Variants in RSU1 observed in about 807,000 individuals in gnomAD.
The protein encoded by RSU1 is Ras suppressor protein 1.
Under a neutral mutation model 31.1 loss-of-function variants are expected in RSU1, and 26 were observed. That is an observed-to-expected ratio of 0.84 (90% CI 0.61 to 1.16). RSU1 has a LOEUF of 1.16. Among genes scored for constraint, RSU1 ranks in the 50% most tolerant of loss-of-function variants. The probability of loss-of-function intolerance (pLI) is 0.00; values close to 1 mark genes in which losing one functional copy is unlikely to be tolerated. For synonymous variants in RSU1, 164 were observed against 136.3 expected (o/e 1.20, Z -1.41); for missense variants, 320 against 339.1 (o/e 0.94, Z 0.44).
chr10:16,810,136 C>T (rs1838378361), intron 2 of RSU1, among the ~76,000 whole-genome samples: 1 of 152,090 alleles, frequency 6.6e-6, no homozygotes, highest in Non-Finnish European at 1.5e-5. Flanking sequence ...GAGGCCAAGG[C>T]AGGAGAATTG....
In RSU1 at chr10:16,654,594, C is replaced by T. The variant is rs371102960; in HGVS notation, c.731+40429G>A. Among the ~76,000 whole-genome samples the T allele has an allele frequency of 2.3e-4, 35 of 150,634 alleles. 1 individual carries two copies. Among genetic ancestry groups the T allele is most frequent in the East Asian group, 1.4e-3 (7 of 4,958 alleles). ...CTGAGGCACAAGAATCGCTTGAACC[C>T]GGGAGGTGGAGGTTGCAGTGAGGCA... On this transcript the variant is annotated intron_variant, in intron 8 of 8. Transcript: ENST00000345264.
intron 8 of RSU1, among the ~76,000 whole-genome samples, chr10:16,645,079 C>T (rs1834511278): frequency 6.6e-6 from 1 of 152,174 alleles, no homozygotes; most frequent in African/African-American, 2.4e-5. Context: ...TTTCAAGATA[C>T]AAATATATTT....
intron 7 of RSU1, among the ~76,000 whole-genome samples, chr10:16,751,265 C>A (rs1488526990): frequency 6.6e-6 from 1 of 152,186 alleles, no homozygotes; most frequent in Admixed American, 6.5e-5. Flanking sequence ...CACGTGACTA[C>A]TTGCAACTCA....
intron 7 of RSU1, among the ~76,000 whole-genome samples, chr10:16,749,188 T>C (rs1588510583): frequency 6.6e-6 from 1 of 152,240 alleles, no homozygotes; most frequent in Non-Finnish European, 1.5e-5. Context: ...AGTGCTTTAC[T>C]ACTTAAGAAC....
chr10:16,738,224 A>C (rs757128926), intron 7 of RSU1, among the ~76,000 whole-genome samples: 4 of 152,216 alleles, frequency 2.6e-5, no homozygotes, highest in Admixed American at 1.3e-4. Flanking sequence ...AAACAGGCGG[A>C]TCATGATGTC....
chr10:16,703,792 C>A (rs1408648334), intron 7 of RSU1, among the ~76,000 whole-genome samples: 1 of 152,050 alleles, frequency 6.6e-6, no homozygotes, highest in African/African-American at 2.4e-5. Context: ...AGTGTATATG[C>A]ATATGAACAG....
At chr10:16,809,866 AAT>A (rs1304057562) in intron 2 of RSU1, among the ~76,000 whole-genome samples, 3 of 152,220 alleles carry the variant, frequency 2.0e-5, no homozygotes, top group Non-Finnish European at 4.4e-5. Context: ...CTTCACATGT[AAT>A]AGACACCTTA....
chr10:16,747,907 G>A (rs1341380945), intron 7 of RSU1, among the ~76,000 whole-genome samples: 5 of 152,312 alleles, frequency 3.3e-5, no homozygotes, highest in Admixed American at 6.5e-5. Flanking sequence ...AGTGGTGCAC[G>A]CCTGTAGTCC....
chr10:16,801,102 AAAAAAACAG>A (rs1304126127), intron 2 of RSU1, among the ~76,000 whole-genome samples: 66 of 151,646 alleles, frequency 4.4e-4, no homozygotes, highest in African/African-American at 1.5e-3. Flanking sequence ...TTTTTTAAAA[AAAAAAACAG>A]GATCTAACTA....
chr10:16,802,915 T>C (rs1316327604), intron 2 of RSU1, among the ~76,000 whole-genome samples: 1 of 152,150 alleles, frequency 6.6e-6, no homozygotes, highest in Non-Finnish European at 1.5e-5. Context: ...AACCTGCAAT[T>C]AACAAGATAC....
intron 7 of RSU1, among the ~76,000 whole-genome samples, chr10:16,701,476 T>C (rs780851598): frequency 6.6e-6 from 1 of 152,230 alleles, no homozygotes; most frequent in Admixed American, 6.5e-5. Flanking sequence ...TTCCGGCAAC[T>C]GTCTGCTTGG....
intron 8 of RSU1, among the ~76,000 whole-genome samples, chr10:16,612,500 G>C (rs1833909837): frequency 6.6e-6 from 1 of 152,188 alleles, no homozygotes; most frequent in African/African-American, 2.4e-5. Flanking sequence ...TGAATAAGGG[G>C]ACTGAGTATA....
chr10:16,594,519 C>A (rs1833572965), intron 8 of RSU1, among the ~76,000 whole-genome samples: 1 of 150,326 alleles, frequency 6.7e-6, no homozygotes, highest in Admixed American at 6.7e-5. Context: ...CTCAAGCGAT[C>A]TCATGGCTCA....
At chr10:16,698,289 C>T (rs901836208) in intron 7 of RSU1, among the ~76,000 whole-genome samples, 5 of 151,958 alleles carry the variant, frequency 3.3e-5, no homozygotes, top group African/African-American at 4.8e-5. Flanking sequence ...CTCGATCATC[C>T]GAAACTGAAG....
intron 2 of RSU1, among the ~76,000 whole-genome samples, chr10:16,794,883 G>C (rs1837995671): frequency 6.6e-6 from 1 of 152,228 alleles, no homozygotes; most frequent in Non-Finnish European, 1.5e-5. Flanking sequence ...CCTAGCAGGT[G>C]AGACCTGCCC....
chr10:16,656,667 T>C (rs1435329665), intron 8 of RSU1, among the ~76,000 whole-genome samples: 1 of 152,252 alleles, frequency 6.6e-6, no homozygotes, highest in Admixed American at 6.5e-5. Flanking sequence ...CAATCATGTA[T>C]GGAATTAACA....
chr10:16,595,605 GAATT>G (rs1833597729), intron 8 of RSU1, among the ~76,000 whole-genome samples: 1 of 152,124 alleles, frequency 6.6e-6, no homozygotes, highest in African/African-American at 2.4e-5. Flanking sequence ...ACATCTCTAG[GAATT>G]AGTTTGGAGG....
At chr10:16,814,993 C>T (rs1838496667) in intron 2 of RSU1, among the ~76,000 whole-genome samples, 1 of 152,390 alleles carries the variant, frequency 6.6e-6, no homozygotes, top group East Asian at 1.9e-4. Flanking sequence ...TCTCTTCTAC[C>T]TGGTGAGAAT....
intron 8 of RSU1, among the ~76,000 whole-genome samples, chr10:16,608,812 G>T (rs1323099714): frequency 6.6e-6 from 1 of 152,078 alleles, no homozygotes; most frequent in Non-Finnish European, 1.5e-5. Flanking sequence ...GTAGCCCTGG[G>T]TAGATTCAGC....
Sources: allele counts gnomAD v4.1 joint callset (sites outside exome capture counted in the v4.1 genomes callset), GRCh38; gene constraint gnomAD v4.1.1; transcripts MANE v1.5; gene names NCBI Gene and HGNC (gene_info 2026-07-23, HGNC 2026-07-21).